Variants in GPHN observed in about 807,000 individuals in gnomAD.
The protein encoded by GPHN is gephyrin.
GPHN carries 17 observed loss-of-function variants against 95.5 expected under a neutral mutation model. The observed-to-expected ratio is 0.18, with a 90% confidence interval of 0.12 to 0.27. GPHN has a LOEUF of 0.27. GPHN is among the 10% of genes least tolerant of loss of function. The pLI is 1.00. For synonymous variants in GPHN, 320 were observed against 322.5 expected, an observed-to-expected ratio of 0.99 and a Z score of 0.08; for missense variants, 660 against 978.1, an observed-to-expected ratio of 0.67 and a Z score of 4.34.
Position 66,857,278 on chromosome 14 carries a change from G to A in GPHN, c.295-22661G>A, listed in dbSNP as rs545625878. Among the ~76,000 whole-genome samples, 183 of 152,232 alleles carry A rather than the reference G, an allele frequency of 1.2e-3. 1 individual carries two copies. The highest frequency in any genetic ancestry group is 2.2e-3 in the Non-Finnish European group (148 of 67,994). On this transcript the variant is annotated intron_variant, in intron 4 of 22. Transcript: ENST00000478722. The stretch of plus-strand genomic sequence containing the variant: ...AAAGAATAAAGGCAATGATCAAAGA[G>A]ATAATGACTATAAAGTTTACAGAAC...
intron 1 of GPHN, among the ~76,000 whole-genome samples, chr14:66,522,793 G>A (rs1015137787): frequency 7.7e-6 from 1 of 130,246 alleles, no homozygotes; most frequent in Admixed American, 7.4e-5. Flanking sequence ...CTCTTTTTTT[G>A]TTTGTCCTTT....
chr14:67,653,460 C>A, the GPHN span: 3 of 1,614,006 alleles, frequency 1.9e-6, no homozygotes, highest in Non-Finnish European at 8.5e-7. Context: ...AACGGAGAAT[C>A]TTCCGACTTT....
intron 8 of GPHN, among the ~76,000 whole-genome samples, chr14:66,944,834 G>A (rs1369270468): frequency 6.6e-6 from 1 of 152,224 alleles, no homozygotes; most frequent in African/African-American, 2.4e-5. Flanking sequence ...ATGCAATGCA[G>A]AGAGCATTGG....
At chr14:67,152,038 C>T (rs1431351827) in intron 18 of GPHN, among the ~76,000 whole-genome samples, 1 of 151,990 alleles carries the variant, frequency 6.6e-6, no homozygotes. Flanking sequence ...CTCAGTGGAG[C>T]CTCTGGAATT....
At chr14:67,322,249 G>A in the GPHN span, among the ~76,000 whole-genome samples, 19 of 152,244 alleles carry the variant, frequency 1.2e-4, no homozygotes, top group Non-Finnish European at 2.5e-4. Flanking sequence ...TTGGGAGGCT[G>A]GGGTGGGAAA....
intron 1 of GPHN, among the ~76,000 whole-genome samples, chr14:66,609,832 G>A (rs1232105107): frequency 6.6e-6 from 1 of 152,020 alleles, no homozygotes; most frequent in Non-Finnish European, 1.5e-5. Context: ...TCAGCTCTTG[G>A]ATAGTTCTAC....
intron 2 of GPHN, among the ~76,000 whole-genome samples, chr14:66,745,582 T>G (rs1290130677): frequency 3.3e-5 from 5 of 152,032 alleles, no homozygotes; most frequent in Non-Finnish European, 5.9e-5. Context: ...TTGTTATATA[T>G]TGTCAGAAAT....
chr14:67,252,360 G>C, the GPHN span, among the ~76,000 whole-genome samples: 8 of 152,024 alleles, frequency 5.3e-5, no homozygotes, highest in Admixed American at 2.6e-4. Context: ...TTGCTGAGCT[G>C]CCCAGGCTGG....
chr14:67,533,051 T>C, the GPHN span, among the ~76,000 whole-genome samples: 1 of 152,098 alleles, frequency 6.6e-6, no homozygotes, highest in African/African-American at 2.4e-5. Context: ...AGTGGGAGGC[T>C]GGAGCCTGCT....
the GPHN span, among the ~76,000 whole-genome samples, chr14:67,636,828 A>G: frequency 6.6e-6 from 1 of 152,238 alleles, no homozygotes; most frequent in Non-Finnish European, 1.5e-5. Flanking sequence ...TCTATTTGAC[A>G]TGAGAACTTC....
At chr14:66,519,455 T>G (rs983941218) in intron 1 of GPHN, among the ~76,000 whole-genome samples, 2 of 152,128 alleles carry the variant, frequency 1.3e-5, no homozygotes, top group Non-Finnish European at 2.9e-5. Context: ...CCCTACTGTA[T>G]TTTAGAAAAA....
the GPHN span, chr14:67,205,002 C>A: frequency 1.3e-6 from 2 of 1,560,704 alleles, no homozygotes; most frequent in South Asian, 1.2e-5. Context: ...CCACGGAAGT[C>A]ACAGACAGCT....
chr14:67,677,337 GTTTT>G, the GPHN span: 20 of 23,454 alleles, frequency 8.5e-4, no homozygotes, highest in Admixed American at 5.4e-3. Context: ...ATGAAGAATT[GTTTT>G]TTTTGTTTGT....
At chr14:67,644,553 G>A in the GPHN span, among the ~76,000 whole-genome samples, 2 of 152,158 alleles carry the variant, frequency 1.3e-5, no homozygotes, top group East Asian at 1.9e-4. Flanking sequence ...TGCTTAAGCT[G>A]CATTTCCCAT....
the GPHN span, chr14:67,383,453 CAG>C: frequency 2.5e-6 from 4 of 1,612,026 alleles, no homozygotes; most frequent in South Asian, 3.3e-5. Flanking sequence ...TTGTGGGAAA[CAG>C]AGTCCAATTT....
chr14:67,024,910 C>A (rs2073846451), intron 10 of GPHN, among the ~76,000 whole-genome samples: 1 of 151,962 alleles, frequency 6.6e-6, no homozygotes, highest in African/African-American at 2.4e-5. Flanking sequence ...TTTTGTAAAT[C>A]TGTTATCTTA....
chr14:67,584,992 A>G, the GPHN span: 1 of 152,250 alleles, frequency 6.6e-6, no homozygotes, highest in Admixed American at 6.5e-5. Flanking sequence ...TAAGAGAGAG[A>G]TTTTCTGGAT....
chr14:66,995,823 A>G (rs1369769081), intron 9 of GPHN, among the ~76,000 whole-genome samples: 3 of 152,152 alleles, frequency 2.0e-5, no homozygotes, highest in Non-Finnish European at 4.4e-5. Flanking sequence ...ACAACCTCCC[A>G]TGTAGTTCAC....
At chr14:66,941,764 A>G (rs919528789) in intron 8 of GPHN, among the ~76,000 whole-genome samples, 2 of 152,170 alleles carry the variant, frequency 1.3e-5, no homozygotes, top group African/African-American at 2.4e-5. Context: ...CCAAACAACT[A>G]TATTGCCAGA....
Sources: gnomAD v4.1 joint callset for allele counts (sites outside exome capture counted in the v4.1 genomes callset) on GRCh38, gnomAD v4.1.1 for gene constraint, MANE v1.5 for transcripts, NCBI Gene and HGNC (gene_info 2026-07-23, HGNC 2026-07-21) for gene names.